NFIX: variants seen among roughly 807,000 people sequenced by gnomAD.
NFIX encodes nuclear factor I X, also known as nuclear factor 1 X-type.
NFIX carries 2 observed loss-of-function variants against 53.3 expected under a neutral mutation model. The ratio of observed to expected loss-of-function variants is 0.04; its 90% CI spans 0.02 to 0.12. NFIX has a LOEUF of 0.12. NFIX is among the 10% of genes least tolerant of loss of function. NFIX has a pLI of 1.00. For synonymous variants in NFIX, 244 were observed against 289.0 expected (o/e 0.84, Z 1.58); for missense variants, 310 against 674.5 (o/e 0.46, Z 5.99).
chr19:13,019,335 C>T (rs894027393), intron 1 of NFIX, among the ~76,000 whole-genome samples: 11 of 152,126 alleles, frequency 7.2e-5, no homozygotes, highest in African/African-American at 2.7e-4. Flanking sequence ...TCAAATAATC[C>T]ATACAGGCTC....
At chr19:13,008,718 C>T (rs7250834) in intron 1 of NFIX, among the ~76,000 whole-genome samples, 13,887 of 152,196 alleles carry the variant, frequency 0.091, 755 homozygotes, top group African/African-American at 0.16. Flanking sequence ...GCCTGCAGTC[C>T]TCCATGCTCT....
rs1341016191 is a variant in NFIX at position 13,014,253 on chromosome 19, A to T, written c.28-10768A>T. 1 of 152,036 alleles carries T rather than the reference A, an allele frequency of 6.6e-6. No individual in the cohort carries two copies. The highest frequency in any genetic ancestry group is 2.4e-5 in the African/African-American group (1 of 41,382). 9.4% of individuals were successfully genotyped at this position (152,036 alleles called of 1,614,324 possible). ...CTGATTCGCAAATCCCCAAACTGGC[A>T]CAAACCGGGAAACTTGCGGCCGGCC... On this transcript the variant is annotated intron_variant, in intron 1 of 10. Transcript: ENST00000592199. The surrounding 1 kb of genome is among the most constrained non-coding windows in gnomAD (Gnocchi z 4.4).
rs374567897 is a variant in NFIX at position 13,091,693 on chromosome 19, C to T, written c.1494+1303C>T. On this transcript the variant is annotated intron_variant, in intron 10 of 10. Transcript: ENST00000592199. ...GCCGAGAGAGCCCTGCTGGCAGAGG[C>T]GGGAGGGGGTGCGAGAGGAAGGGAC... Among the ~76,000 whole-genome samples the T allele has an allele frequency of 3.6e-4, 55 of 152,280 alleles. 1 individual carries two copies. The highest frequency in any genetic ancestry group is 1.3e-3 in the African/African-American group (52 of 41,570).
intron 1 of NFIX, among the ~76,000 whole-genome samples, chr19:13,015,982 T>C (rs2012645092): frequency 6.6e-6 from 1 of 152,216 alleles, no homozygotes; most frequent in Non-Finnish European, 1.5e-5. Context: ...GCCATATAAA[T>C]TATGAGAACT....
At position 12,999,487 on chromosome 19, in the gene NFIX, AAC is replaced by A. The variant is rs111890375; in HGVS notation, c.27+3651_27+3652del. Among the ~76,000 whole-genome samples the A allele has an allele frequency of 9.3e-3, 1,384 of 149,378 alleles. 21 individuals carry two copies. Among genetic ancestry groups the A allele is most frequent in the African/African-American group, 0.027 (1,118 of 40,854 alleles). Reference sequence around the variant, plus strand: ...GCACCCGGCCACAAATACCTTTTCAAACACACACACACACACACACACACACA... The same window carrying A: ...GCACCCGGCCACAAATACCTTTTCAAACACACACACACACACACACACACA... On this transcript the variant is annotated intron_variant, in intron 1 of 10. Coordinates refer to ENST00000592199, the MANE Select transcript of NFIX (RefSeq NM_001365902.3).
At position 13,005,630 on chromosome 19, in the gene NFIX, G is replaced by A. The variant is rs1459089998; in HGVS notation, c.27+9766G>A. On this transcript the variant is annotated intron_variant, in intron 1 of 10. Coordinates refer to ENST00000592199, the MANE Select transcript of NFIX (RefSeq NM_001365902.3). The surrounding 1 kb of genome is among the most constrained non-coding windows in gnomAD (Gnocchi z 4.7). ...CTCAGTAGAGGTATCCAGTGCTAGG[G>A]TCAAGGGCGGGGAGCTCTTTCTTCA... Among the ~76,000 whole-genome samples the A allele has an allele frequency of 6.6e-6, 1 of 152,200 alleles. No individual in the cohort carries two copies. Among genetic ancestry groups the A allele is most frequent in the Admixed American group, 6.5e-5 (1 of 15,280 alleles).
rs2012197158 is a variant in NFIX, at chr19:13,009,235, A to T, written c.27+13371A>T. On this transcript the variant is annotated intron_variant, in intron 1 of 10. Transcript: ENST00000592199. This position sits in a 1 kb window ranked among gnomAD's most constrained non-coding sequence, Gnocchi z 4.7. ...CTCACGCGATCACACCAAGCGTCAC[A>T]GCTTGTCACAGCCATAGATTCCTCA... Among the ~76,000 whole-genome samples the T allele has an allele frequency of 6.6e-6, 1 of 152,096 alleles. No individual in the cohort carries two copies. Among genetic ancestry groups the T allele is most frequent in the African/African-American group, 2.4e-5 (1 of 41,442 alleles).
intron 8 of NFIX, among the ~76,000 whole-genome samples, chr19:13,085,987 C>T (rs2017756510): frequency 6.6e-6 from 1 of 152,196 alleles, no homozygotes. Flanking sequence ...CCTAGAGAAA[C>T]AGGGCAGAGA....
intron 2 of NFIX, among the ~76,000 whole-genome samples, chr19:13,033,335 C>T (rs778203739): frequency 3.9e-5 from 6 of 152,242 alleles, no homozygotes; most frequent in Admixed American, 6.5e-5. Context: ...ATGGATATCT[C>T]GTACCTTATT....
intron 2 of NFIX, among the ~76,000 whole-genome samples, chr19:13,029,896 G>A (rs967991275): frequency 3.3e-5 from 5 of 152,188 alleles, no homozygotes; most frequent in African/African-American, 1.2e-4. Flanking sequence ...CCTTGGCGGT[G>A]GAGGGCATTG....
chr19:13,030,373 G>A (rs953597149), intron 2 of NFIX, among the ~76,000 whole-genome samples: 1 of 152,212 alleles, frequency 6.6e-6, no homozygotes, highest in African/African-American at 2.4e-5. Context: ...CCGGCACATA[G>A]CAGGACGGCA....
rs2013479100 is a variant in NFIX, at chr19:13,027,693, A to G, written c.559+2141A>G. ...GTGGGGCTAAGGTAGGATGAAAAGTATGTGAGGAAGCAGACCGTTTCCTGG... is the reference window on the plus strand; with the variant it reads ...GTGGGGCTAAGGTAGGATGAAAAGTGTGTGAGGAAGCAGACCGTTTCCTGG... On this transcript the variant is annotated intron_variant, in intron 2 of 10. Coordinates refer to ENST00000592199, the MANE Select transcript of NFIX (RefSeq NM_001365902.3). The surrounding 1 kb of genome is among the most constrained non-coding windows in gnomAD (Gnocchi z 4.3). Among the ~76,000 whole-genome samples, 1 of 152,186 alleles carries G rather than the reference A, an allele frequency of 6.6e-6. No individual in the cohort carries two copies. Among genetic ancestry groups the G allele is most frequent in the South Asian group, 2.1e-4 (1 of 4,838 alleles).
intron 2 of NFIX, among the ~76,000 whole-genome samples, chr19:13,054,650 GCT>G (rs1464315365): frequency 6.6e-6 from 1 of 152,130 alleles, no homozygotes; most frequent in African/African-American, 2.4e-5. Context: ...GCCTGGTCTT[GCT>G]CTGTGTGCCC....
chr19:13,034,266 GTA>G (rs1341898509), intron 2 of NFIX, among the ~76,000 whole-genome samples: 4 of 152,246 alleles, frequency 2.6e-5, no homozygotes, highest in African/African-American at 9.6e-5. Context: ...CAGTGGCTGA[GTA>G]TGTGGGGTGG....
In NFIX at chr19:13,096,555, G is replaced by A. The variant is rs2018472899; in HGVS notation, c.*1906G>A. On this transcript the variant is annotated 3_prime_UTR_variant, in exon 11 of 11. Transcript: ENST00000592199. ...AGGACCCCAGGGCTGAGGGGCAGTG[G>A]ATCCTGCGGGAGTCTCCCGGGGCGT... The A allele has an allele frequency of 6.6e-6, 1 of 151,794 alleles. No homozygotes were observed. Among genetic ancestry groups the A allele is most frequent in the African/African-American group, 2.4e-5 (1 of 41,386 alleles). 9.4% of individuals were successfully genotyped at this position (151,794 alleles called of 1,614,324 possible).
At chr19:13,024,109 CAACCAAAAAA>C in intron 1 of NFIX, 1 of 519,592 alleles carries the variant, frequency 1.9e-6, no homozygotes, top group African/African-American at 2.3e-5. Context: ...AACAAGCAAA[CAACCAAAAAA>C]AAAAAAAAAA....
rs2014569548 is a variant in NFIX, at chr19:13,040,835, G to C, written c.559+15283G>C. Among the ~76,000 whole-genome samples, 2 of 152,178 alleles carry C rather than the reference G, an allele frequency of 1.3e-5. No individual in the cohort carries two copies. Among genetic ancestry groups the C allele is most frequent in the Non-Finnish European group, 2.9e-5 (2 of 68,030 alleles). On this transcript the variant is annotated intron_variant, in intron 2 of 10. Coordinates refer to ENST00000592199, the MANE Select transcript of NFIX (RefSeq NM_001365902.3). This position sits in a 1 kb window ranked among gnomAD's most constrained non-coding sequence, Gnocchi z 4.2. Reference sequence around the variant, plus strand: ...ATTCTGCTGCCGCTGCTGTACCTTTGCTTGCCTCGGATCTTAGAACTGTTT... The same window carrying C: ...ATTCTGCTGCCGCTGCTGTACCTTTCCTTGCCTCGGATCTTAGAACTGTTT...
intron 1 of NFIX, among the ~76,000 whole-genome samples, chr19:13,008,084 G>T (rs1033059586): frequency 2.0e-5 from 3 of 152,216 alleles, no homozygotes; most frequent in Non-Finnish European, 4.4e-5. Context: ...AAGGAGGTAG[G>T]AGGGGGTGAC....
At chr19:13,046,530 A>G (rs1393285837) in intron 2 of NFIX, among the ~76,000 whole-genome samples, 2 of 150,818 alleles carry the variant, frequency 1.3e-5, no homozygotes, top group Non-Finnish European at 2.9e-5. Context: ...TTTTCCTTGC[A>G]TACACTCTTT....
Sources: allele counts gnomAD v4.1 joint callset (sites outside exome capture counted in the v4.1 genomes callset), GRCh38; gene constraint gnomAD v4.1.1; non-coding constraint Gnocchi (gnomAD v3.1); transcripts MANE v1.5; gene names NCBI Gene and HGNC (gene_info 2026-07-23, HGNC 2026-07-21).